The following GRAMD4 variants were observed in gnomAD, a reference collection of about 807,000 sequenced individuals.
GRAMD4 encodes GRAM domain-containing protein 4.
A neutral mutation model predicts 83.9 loss-of-function variants in GRAMD4; 25 were observed. The ratio of observed to expected loss-of-function variants is 0.30; its 90% CI spans 0.22 to 0.42. GRAMD4 has a LOEUF of 0.42. Among genes scored for constraint, GRAMD4 ranks in the 10% least tolerant of loss-of-function variants. The probability of loss-of-function intolerance (pLI) is 1.00; values close to 1 mark genes in which losing one functional copy is unlikely to be tolerated. For synonymous variants in GRAMD4, 336 were observed against 320.9 expected (o/e 1.05, Z -0.50); for missense variants, 593 against 788.7 (o/e 0.75, Z 2.97).
intron 3 of GRAMD4, among the ~76,000 whole-genome samples, chr22:46,641,807 T>G (rs2081978761): frequency 6.6e-6 from 1 of 152,220 alleles, no homozygotes; most frequent in South Asian, 2.1e-4. Context: ...ATTTTCTACT[T>G]CCGCTATTCT....
intron 16 of GRAMD4, 145 bp downstream of exon 16, chr22:46,674,895 C>T: frequency 1.5e-6 from 1 of 673,310 alleles, no homozygotes; most frequent in Non-Finnish European, 2.7e-6. Flanking sequence ...TGCCGGCTGT[C>T]TGGGCTCCCA....
intron 3 of GRAMD4, among the ~76,000 whole-genome samples, chr22:46,647,484 A>G (rs1483847029): frequency 6.6e-6 from 1 of 151,974 alleles, no homozygotes; most frequent in Non-Finnish European, 1.5e-5. Flanking sequence ...CTCAAAGGAG[A>G]AACCCCTGAT....
intron 3 of GRAMD4, among the ~76,000 whole-genome samples, chr22:46,650,230 C>G (rs955579354): frequency 7.9e-5 from 12 of 152,162 alleles, no homozygotes; most frequent in Non-Finnish European, 1.3e-4. Context: ...GGACTCCTGC[C>G]TGAGAGATCT....
chr22:46,615,661 C>G (rs72487702), upstream of GRAMD4, among the ~76,000 whole-genome samples: 6,048 of 57,216 alleles, frequency 0.11, 1,039 homozygotes, highest in East Asian at 0.22. Flanking sequence ...TGTAGGTTCC[C>G]CCGTGCGTAG....
intron 1 of GRAMD4, among the ~76,000 whole-genome samples, chr22:46,586,077 G>T (rs1006432711): frequency 2.6e-5 from 4 of 152,114 alleles, no homozygotes; most frequent in African/African-American, 9.7e-5. Flanking sequence ...GTCTAAGGAA[G>T]CAGGTGGAAT....
rs568762409 is a variant in GRAMD4 at position 46,581,583 on chromosome 22, C to G, written c.-50+4293C>G. 5.3e-5 allele frequency among the ~76,000 whole-genome samples: 8 copies of G among 152,340 alleles called. No homozygotes were observed. The East Asian group carries it at 1.3e-3, about 26-fold the overall frequency. ...ATGATGAGACTTCTCTTTTTGCTGT[C>G]AAATGTGCAGTAAATAGCAAGATTC... On this transcript the variant is annotated intron_variant, in intron 1 of 1. Coordinates refer to the GRAMD4 transcript ENST00000431155.
chr22:46,642,165 A>G (rs1955501267), intron 3 of GRAMD4, among the ~76,000 whole-genome samples: 1 of 152,216 alleles, frequency 6.6e-6, no homozygotes, highest in Admixed American at 6.5e-5. Context: ...GTTGTCTCTG[A>G]GAGATTCCTT....
chr22:46,637,796 G>T lies in GRAMD4; in HGVS notation c.163-44G>T, dbSNP rs150616927. 12 of 1,609,774 alleles carry T rather than the reference G, an allele frequency of 7.5e-6. No individual in the cohort carries two copies. In the South Asian group the frequency reaches 1.2e-4, roughly 16 times the overall value. On this transcript the variant is annotated intron_variant, in intron 2 of 18. Coordinates refer to ENST00000406902, the MANE Select transcript of GRAMD4 (RefSeq NM_015124.5). ...GGGAACTGAGTGGTGCAGACCCAGG[G>T]TGCCACAGGTGGCCCCTTTGAGCTT...
intron 1 of GRAMD4, among the ~76,000 whole-genome samples, chr22:46,603,513 C>A (rs7287167): frequency 0.011 from 1,158 of 105,456 alleles, 99 homozygotes; most frequent in Middle Eastern, 0.036. Context: ...CCGGCCTCTT[C>A]TCTTTTTTTT....
intron 3 of GRAMD4, among the ~76,000 whole-genome samples, chr22:46,640,836 G>A (rs924807127): frequency 6.1e-4 from 2 of 3,280 alleles, no homozygotes; most frequent in African/African-American, 1.5e-3. Context: ...CCCGCCCCCC[G>A]CCGAGGTTTT....
chr22:46,600,687 G>A lies in GRAMD4; in HGVS notation c.-50+23397G>A, dbSNP rs114604298. Among the ~76,000 whole-genome samples the A allele has an allele frequency of 8.0e-3, 1,214 of 152,330 alleles. 16 individuals are homozygous for A. Among genetic ancestry groups the A allele is most frequent in the African/African-American group, 0.028 (1,146 of 41,568 alleles). ...CGCAGAGCCCCTTACAGCCTCAAGC[G>A]ATGGAGGACACTGGCGAGTCTTTGT... On this transcript the variant is annotated intron_variant, in intron 1 of 1. Coordinates refer to the GRAMD4 transcript ENST00000431155.
intron 13 of GRAMD4, among the ~76,000 whole-genome samples, chr22:46,670,037 C>T (rs1043943291): frequency 2.6e-5 from 4 of 152,212 alleles, no homozygotes; most frequent in African/African-American, 9.7e-5. Flanking sequence ...CCTGAGCCCA[C>T]GCAGGACAGC....
intron 2 of GRAMD4, among the ~76,000 whole-genome samples, chr22:46,630,458 G>A (rs917437980): frequency 1.3e-5 from 2 of 152,240 alleles, no homozygotes; most frequent in Non-Finnish European, 2.9e-5. Flanking sequence ...GGGCCATGCA[G>A]AGGCCCGAGA....
intron 13 of GRAMD4, among the ~76,000 whole-genome samples, chr22:46,669,905 G>GTTTCT (rs1018647078): frequency 1.3e-5 from 2 of 152,146 alleles, no homozygotes; most frequent in African/African-American, 2.4e-5. Context: ...GTCTTGTCTT[G>GTTTCT]TTTCTTTTCT....
At chr22:46,578,509 C>T (rs1222500678) in intron 1 of GRAMD4, among the ~76,000 whole-genome samples, 2 of 152,084 alleles carry the variant, frequency 1.3e-5, no homozygotes, top group African/African-American at 4.8e-5. Flanking sequence ...CTGGGCTCGC[C>T]CTGGGTTGGG....
chr22:46,627,176 A>G (rs925241488), intron 2 of GRAMD4, among the ~76,000 whole-genome samples: 12 of 152,104 alleles, frequency 7.9e-5, no homozygotes, highest in Non-Finnish European at 1.6e-4. Context: ...AGGTCTGATT[A>G]GCGGCTGGAT....
chr22:46,593,035 C>G (rs1435616370), intron 1 of GRAMD4, among the ~76,000 whole-genome samples: 1 of 151,756 alleles, frequency 6.6e-6, no homozygotes, highest in African/African-American at 2.4e-5. Flanking sequence ...GAAAAGAAAG[C>G]ATTTGAACAA....
intron 1 of GRAMD4, among the ~76,000 whole-genome samples, chr22:46,592,691 C>G (rs750125329): frequency 6.6e-6 from 1 of 152,118 alleles, no homozygotes; most frequent in Non-Finnish European, 1.5e-5. Context: ...TGTATGGTGA[C>G]CAGCTCTGCA....
chr22:46,678,021 G>A lies in GRAMD4; in HGVS notation c.*770G>A. The stretch of plus-strand genomic sequence containing the variant: ...TGACACGCCGGCCAGGAGGTCTGTA[G>A]CTGGGGACCAGTAAGGGCACAGGAT... On this transcript the variant is annotated 3_prime_UTR_variant, in exon 19 of 19. Transcript: ENST00000406902. The A allele has an allele frequency of 1.0e-6, 1 of 985,734 alleles. No homozygotes were observed. The allele number at this position is 985,734 out of a possible 1,614,324, so 61.1% of individuals were successfully genotyped here. A position where few individuals can be genotyped will look rare whatever the true frequency, so the allele number is the denominator to read the frequency against.
Sources: gnomAD v4.1 joint callset for allele counts (sites outside exome capture counted in the v4.1 genomes callset) on GRCh38, gnomAD v4.1.1 for gene constraint, MANE v1.5 for transcripts, NCBI Gene and HGNC (gene_info 2026-07-23, HGNC 2026-07-21) for gene names.